LINGO2: variants seen among roughly 807,000 people sequenced by gnomAD.
The protein encoded by LINGO2 is leucine rich repeat and Ig domain containing 2.
LINGO2 carries 14 observed loss-of-function variants against 30.6 expected under a neutral mutation model. The observed-to-expected ratio is 0.46, with a 90% CI of 0.30 to 0.72. The LOEUF is 0.72. LINGO2 is among the 30% of genes least tolerant of loss of function. LINGO2 has a pLI of 0.07. For missense variants in LINGO2, 729 were observed against 751.7 expected, an observed-to-expected ratio of 0.97 and a Z score of 0.35; for synonymous variants, 317 against 288.5, an observed-to-expected ratio of 1.10 and a Z score of -1.00.
chr9:28,803,583 C>T, the LINGO2 span, among the ~76,000 whole-genome samples: 3 of 151,844 alleles, frequency 2.0e-5, no homozygotes, highest in Non-Finnish European at 2.9e-5. Context: ...TGTAAAATCA[C>T]GATGCTTTAA....
chr9:29,174,903 A>G, the LINGO2 span, among the ~76,000 whole-genome samples: 5 of 152,208 alleles, frequency 3.3e-5, no homozygotes, highest in Non-Finnish European at 5.9e-5. Flanking sequence ...TAGTTATGGA[A>G]TGGGCCAGAC....
chr9:28,942,257 A>T, the LINGO2 span, among the ~76,000 whole-genome samples: 1 of 152,162 alleles, frequency 6.6e-6, no homozygotes, highest in South Asian at 2.1e-4. Context: ...TTCCTTGAAA[A>T]CTTAATTTGT....
intron 4 of LINGO2, among the ~76,000 whole-genome samples, chr9:28,216,341 T>C (rs1237726811): frequency 6.6e-6 from 1 of 151,968 alleles, no homozygotes; most frequent in Non-Finnish European, 1.5e-5. Context: ...GTTGGGATTT[T>C]CTGAAGTTCT....
chr9:28,594,667 A>C (rs1437825768), intron 1 of LINGO2, among the ~76,000 whole-genome samples: 3 of 152,128 alleles, frequency 2.0e-5, no homozygotes, highest in African/African-American at 4.8e-5. Flanking sequence ...GCCAAGGCTT[A>C]AGTTAATGAG....
At chr9:29,085,951 G>C in the LINGO2 span, among the ~76,000 whole-genome samples, 1 of 152,044 alleles carries the variant, frequency 6.6e-6, no homozygotes, top group African/African-American at 2.4e-5. Context: ...TCTTATCATA[G>C]CTAAGTGCAT....
the LINGO2 span, among the ~76,000 whole-genome samples, chr9:29,187,915 G>A: frequency 1.4e-5 from 2 of 147,930 alleles, no homozygotes; most frequent in Admixed American, 6.8e-5. Flanking sequence ...ATAAGACTGA[G>A]ACAGTTTACA....
chr9:29,079,289 G>C, the LINGO2 span, among the ~76,000 whole-genome samples: 21 of 151,870 alleles, frequency 1.4e-4, 1 homozygote, highest in African/African-American at 4.8e-4. Flanking sequence ...AATAAAAGGA[G>C]GTAATTTTAG....
chr9:28,528,508 A>G (rs914448172), intron 1 of LINGO2, among the ~76,000 whole-genome samples: 4 of 152,192 alleles, frequency 2.6e-5, no homozygotes, highest in African/African-American at 9.7e-5. Flanking sequence ...CAGTCAATAA[A>G]TTAATTCATA....
At chr9:29,099,701 A>T in the LINGO2 span, among the ~76,000 whole-genome samples, 2 of 152,192 alleles carry the variant, frequency 1.3e-5, no homozygotes, top group Non-Finnish European at 2.9e-5. Context: ...CACCCAGTTA[A>T]TATGGTTTAT....
chr9:28,089,595 G>A (rs1587831944), intron 4 of LINGO2, among the ~76,000 whole-genome samples: 1 of 152,084 alleles, frequency 6.6e-6, no homozygotes. Context: ...AGCACTAAAG[G>A]CCCACAAGAG....
chr9:28,202,362 C>A (rs1421717823), intron 4 of LINGO2, among the ~76,000 whole-genome samples: 1 of 152,070 alleles, frequency 6.6e-6, no homozygotes, highest in Non-Finnish European at 1.5e-5. Context: ...ACAAATACAC[C>A]TGCACATTTT....
At chr9:28,962,986 T>C in the LINGO2 span, among the ~76,000 whole-genome samples, 1 of 151,976 alleles carries the variant, frequency 6.6e-6, no homozygotes, top group Non-Finnish European at 1.5e-5. Flanking sequence ...TTTCTATATT[T>C]CATTGTCCAT....
the LINGO2 span, among the ~76,000 whole-genome samples, chr9:28,679,377 T>C: frequency 1.3e-5 from 2 of 152,132 alleles, no homozygotes; most frequent in Non-Finnish European, 2.9e-5. Context: ...TTTCTTAGCA[T>C]TGCTGTTTTG....
At chr9:28,984,012 A>G in the LINGO2 span, among the ~76,000 whole-genome samples, 2 of 152,002 alleles carry the variant, frequency 1.3e-5, no homozygotes, top group South Asian at 2.1e-4. Flanking sequence ...TCTTTGCACA[A>G]CTGTAAGCAC....
chr9:28,507,805 G>A (rs1401229135), intron 1 of LINGO2, among the ~76,000 whole-genome samples: 1 of 151,926 alleles, frequency 6.6e-6, no homozygotes, highest in African/African-American at 2.4e-5. Context: ...GATTTATAAT[G>A]AGTTTCTCAT....
the LINGO2 span, among the ~76,000 whole-genome samples, chr9:28,731,816 A>G: frequency 2.6e-5 from 4 of 152,146 alleles, no homozygotes; most frequent in Non-Finnish European, 5.9e-5. Flanking sequence ...CTGTACCATA[A>G]TTTTGCAAGA....
intron 4 of LINGO2, among the ~76,000 whole-genome samples, chr9:28,206,855 C>T (rs1001551714): frequency 6.6e-6 from 1 of 152,110 alleles, no homozygotes; most frequent in Admixed American, 6.6e-5. Flanking sequence ...AATTATTTCT[C>T]CCAACCCAGT....
At chr9:27,951,867 C>T (rs1819331749) in intron 5 of LINGO2, among the ~76,000 whole-genome samples, 1 of 151,958 alleles carries the variant, frequency 6.6e-6, no homozygotes, top group Admixed American at 6.6e-5. Flanking sequence ...ACATATATAT[C>T]TATGTCTACA....
the LINGO2 span, among the ~76,000 whole-genome samples, chr9:29,005,713 G>A: frequency 2.0e-5 from 3 of 151,914 alleles, no homozygotes; most frequent in South Asian, 2.1e-4. Flanking sequence ...ATGAAAACCC[G>A]GCCCTTCACG....
Sources: allele counts gnomAD v4.1 joint callset (sites outside exome capture counted in the v4.1 genomes callset), GRCh38; gene constraint gnomAD v4.1.1; transcripts MANE v1.5; gene names NCBI Gene and HGNC (gene_info 2026-07-23, HGNC 2026-07-21).